ARAP2: variants seen among roughly 807,000 people sequenced by gnomAD.
ARAP2 encodes the protein ArfGAP with RhoGAP domain, ankyrin repeat and PH domain 2.
In ARAP2, 148 loss-of-function variants were observed where a neutral mutation model predicts 194.5. The ratio of observed to expected loss-of-function variants is 0.76; its 90% CI spans 0.67 to 0.87. The LOEUF (loss-of-function observed/expected upper bound fraction) is 0.87. Among genes scored for constraint, ARAP2 ranks in the 40% least tolerant of loss-of-function variants. The pLI is 0.00. For synonymous variants in ARAP2, 695 were observed against 683.5 expected, an observed-to-expected ratio of 1.02 and a Z score of -0.26; for missense variants, 2,128 against 1,989.7, an observed-to-expected ratio of 1.07 and a Z score of -1.32.
chr4:36,101,855 T>C (rs1717023153), intron 27 of ARAP2, among the ~76,000 whole-genome samples: 1 of 152,036 alleles, frequency 6.6e-6, no homozygotes, highest in Admixed American at 6.6e-5. Context: ...ATGATTACCA[T>C]GACCACCATC....
At chr4:36,047,083 T>C (rs978129072) in intron 3 of ARAP2, 4 of 152,186 alleles carry the variant, frequency 2.6e-5, no homozygotes, top group African/African-American at 4.8e-5. Flanking sequence ...ACAGGTGATA[T>C]AGATCTATAG....
intron 1 of ARAP2, among the ~76,000 whole-genome samples, chr4:36,060,351 C>T (rs935815860): frequency 2.0e-5 from 3 of 152,128 alleles, no homozygotes; most frequent in African/African-American, 7.2e-5. Context: ...TGCTGAGTCA[C>T]AATTTTGAAT....
intron 3 of ARAP2, among the ~76,000 whole-genome samples, 173 bp downstream of exon 3, chr4:36,214,249 T>G (rs894884167): frequency 2.6e-5 from 4 of 152,230 alleles, no homozygotes; most frequent in African/African-American, 9.6e-5. Flanking sequence ...TGTATGTTAT[T>G]GCCTTTTATT....
intron 21 of ARAP2, 23 bp from the exon 22 acceptor site, chr4:36,124,990 CTT>C (rs1211433732): frequency 1.4e-6 from 2 of 1,451,852 alleles, no homozygotes; most frequent in East Asian, 4.6e-5. Flanking sequence ...AAAAAACAAT[CTT>C]GAGATCTAAA....
chr4:36,174,527 A>G (rs1737380651), intron 9 of ARAP2, among the ~76,000 whole-genome samples: 1 of 152,122 alleles, frequency 6.6e-6, no homozygotes, highest in Admixed American at 6.6e-5. Context: ...AAGCCTAAAG[A>G]TAGGCTTTAA....
At chr4:36,115,507 C>T (rs1721098831) in intron 25 of ARAP2, among the ~76,000 whole-genome samples, 1 of 151,920 alleles carries the variant, frequency 6.6e-6, no homozygotes, top group African/African-American at 2.4e-5. Context: ...ACAGGAAAAC[C>T]AGAACTCTAT....
intron 31 of ARAP2, among the ~76,000 whole-genome samples, chr4:36,074,379 G>A (rs1727752216): frequency 6.6e-6 from 1 of 152,076 alleles, no homozygotes. Flanking sequence ...ATTGTACAAC[G>A]GAGAGTGGGG....
chr4:36,192,168 GTTTTTTTTT>G (rs569144058), intron 7 of ARAP2, among the ~76,000 whole-genome samples: 2 of 100,724 alleles, frequency 2.0e-5, no homozygotes, highest in African/African-American at 4.1e-5. Flanking sequence ...CAGTGTTTCT[GTTTTTTTTT>G]TTTTTTTTTT....
chr4:36,033,941 G>A (rs771930150), intron 5 of ARAP2, among the ~76,000 whole-genome samples: 50 of 151,962 alleles, frequency 3.3e-4, no homozygotes, highest in Non-Finnish European at 6.5e-4. Context: ...CAGCTTCATT[G>A]AAAATCAGAT....
chr4:36,228,174 C>T (rs781280020), intron 2 of ARAP2, among the ~76,000 whole-genome samples: 1 of 152,022 alleles, frequency 6.6e-6, no homozygotes, highest in Non-Finnish European at 1.5e-5. Flanking sequence ...AAGCATTGTA[C>T]CACGCAGCAG....
At chr4:36,031,136 A>G (rs935126438) in intron 5 of ARAP2, among the ~76,000 whole-genome samples, 1 of 152,200 alleles carries the variant, frequency 6.6e-6, no homozygotes, top group Non-Finnish European at 1.5e-5. Flanking sequence ...TCAAAGAAAA[A>G]ATAAATTTCT....
At position 36,085,762 on chromosome 4, in the gene ARAP2, A is replaced by T. The variant is rs377427185; in HGVS notation, c.4426-2312T>A. Among the ~76,000 whole-genome samples, 3 of 152,094 alleles carry T rather than the reference A, an allele frequency of 2.0e-5. 1 individual carries two copies. The highest frequency in any genetic ancestry group is 3.9e-4 in the East Asian group (2 of 5,192). ...TGCAAACTTGAAAATAATTGCATTA[A>T]ACCTATAAATCAATACTAGCAGATT... On this transcript the variant is annotated intron_variant, in intron 28 of 32. Transcript: ENST00000303965.
intron 9 of ARAP2, among the ~76,000 whole-genome samples, chr4:36,009,889 G>GGA (rs1714122661): frequency 1.5e-5 from 2 of 133,008 alleles, no homozygotes; most frequent in African/African-American, 2.8e-5. Flanking sequence ...TTGGCGGGGG[G>GGA]TAGGGGGGTG....
At chr4:36,130,958 C>T (rs1725286854) in intron 20 of ARAP2, among the ~76,000 whole-genome samples, 1 of 151,746 alleles carries the variant, frequency 6.6e-6, no homozygotes, top group African/African-American at 2.4e-5. Flanking sequence ...AAATAATTTT[C>T]CCCAAGAACT....
chr4:36,061,224 T>C (rs1724384616), downstream of ARAP2, among the ~76,000 whole-genome samples: 1 of 152,046 alleles, frequency 6.6e-6, no homozygotes, highest in African/African-American at 2.4e-5. Flanking sequence ...CCAGTTATAC[T>C]CTTTTAGTTA....
rs767992939 is a variant in ARAP2, at chr4:36,228,714, T to A, written c.773A>T (p.Tyr258Phe). 1.9e-6 allele frequency: 3 copies of A among 1,614,106 alleles called. No homozygotes were observed. Among genetic ancestry groups the A allele is most frequent in the Middle Eastern group, 1.7e-4 (1 of 6,060 alleles). The stretch of plus-strand genomic sequence containing the variant: ...TGCTAGGATTGGTGATGATGGAACA[T>A]ACAAGTCATTTACAATCATTTCTCC... ...FQGEMIVNDLYVPSSPILAPV... is the reference protein window; with the variant it reads ...FQGEMIVNDLFVPSSPILAPV... Residue 258 changes from tyrosine to phenylalanine, a missense_variant, in exon 2 of 33, where the codon TAT (tyrosine) becomes TTT (phenylalanine). By Grantham distance (22) the Tyr-to-Phe change is conservative. Coordinates refer to ENST00000303965, the MANE Select transcript of ARAP2 (RefSeq NM_015230.4).
chr4:36,067,952 T>C lies in ARAP2; in HGVS notation c.5070A>G (p.Ser1690=). ...IEELNVVLQR[S]RTLPKELQDE... Reference sequence around the variant, plus strand: ...CCTGTAATTCTTTTGGAAGGGTTCTTGACCGTTGTAGAACCACATTAAGTT... The same window carrying C: ...CCTGTAATTCTTTTGGAAGGGTTCTCGACCGTTGTAGAACCACATTAAGTT... Residue 1690 remains serine (S), a synonymous_variant, in exon 33 of 33, where the codon TCA becomes TCG. Coordinates refer to ENST00000303965, the MANE Select transcript of ARAP2 (RefSeq NM_015230.4). 1.9e-6 allele frequency: 3 copies of C among 1,612,264 alleles called. No homozygotes were observed. The highest frequency in any genetic ancestry group is 1.7e-6 in the Non-Finnish European group (2 of 1,179,010).
At chr4:36,196,614 C>T (rs945778670) in intron 6 of ARAP2, among the ~76,000 whole-genome samples, 2 of 152,096 alleles carry the variant, frequency 1.3e-5, no homozygotes, top group African/African-American at 4.8e-5. Context: ...TAAGACAAAT[C>T]CCAGCCCACA....
At position 36,029,181 on chromosome 4, in the gene ARAP2, C is replaced by T. The variant is rs1311255642; in HGVS notation, n.608-9895G>A. Among the ~76,000 whole-genome samples, 4 of 151,950 alleles carry T rather than the reference C, an allele frequency of 2.6e-5. No homozygotes were observed. The East Asian group carries it at 5.8e-4, about 22-fold the overall frequency. On this transcript the variant is annotated intron_variant and non_coding_transcript_variant, in intron 5 of 12. Transcript: ENST00000503225. ...CTTTATTCATTCTTTGTTAGCCTAT[C>T]TTGGACTAAGCATAGTGTGTCGAAG...
Sources: allele counts gnomAD v4.1 joint callset (sites outside exome capture counted in the v4.1 genomes callset), GRCh38; gene constraint gnomAD v4.1.1; transcripts MANE v1.5; gene names NCBI Gene and HGNC (gene_info 2026-07-23, HGNC 2026-07-21).